UGGT1: variants seen among roughly 807,000 people sequenced by gnomAD.
The protein encoded by UGGT1 is UDP-glucose glycoprotein glucosyltransferase 1, also known as UDP-glucose:glycoprotein glucosyltransferase 1.
UGGT1 carries 107 observed loss-of-function variants against 203.9 expected under a neutral mutation model. The observed-to-expected ratio is 0.52, with a 90% CI of 0.45 to 0.62. UGGT1 has a LOEUF of 0.62. Among genes scored for constraint, UGGT1 ranks in the 20% least tolerant of loss-of-function variants. The pLI is 0.00. For synonymous variants in UGGT1, 628 were observed against 653.5 expected (o/e 0.96, Z 0.59); for missense variants, 1,673 against 1,867.2 (o/e 0.90, Z 1.92).
chr2:128,174,914 C>G, intron 31 of UGGT1, 56 bp downstream of exon 31: 1 of 1,477,034 alleles, frequency 6.8e-7, no homozygotes, highest in South Asian at 1.2e-5. Flanking sequence ...TGAGCATTAG[C>G]TCTAATTGAA....
chr2:128,129,967 T>A (rs1039481535), intron 13 of UGGT1, among the ~76,000 whole-genome samples: 2 of 152,100 alleles, frequency 1.3e-5, no homozygotes, highest in African/African-American at 4.8e-5. Context: ...TGTCAGAGAA[T>A]GTGGGGAATA....
intron 1 of UGGT1, among the ~76,000 whole-genome samples, chr2:128,096,347 G>A (rs1300251929): frequency 6.6e-6 from 1 of 152,192 alleles, no homozygotes; most frequent in Non-Finnish European, 1.5e-5. Context: ...AAACTGGGTG[G>A]CTTAGAACAA....
chr2:128,112,878 C>G (rs1369815112), intron 5 of UGGT1, among the ~76,000 whole-genome samples: 2 of 151,940 alleles, frequency 1.3e-5, no homozygotes, highest in Non-Finnish European at 2.9e-5. Context: ...TTATAATGTA[C>G]TTTTGTTATT....
intron 36 of UGGT1, 110 bp from the exon 37 acceptor site, chr2:128,182,020 C>T: frequency 9.2e-7 from 1 of 1,082,924 alleles, no homozygotes; most frequent in Non-Finnish European, 1.3e-6. Context: ...GTGCCACTAA[C>T]CACGGAGCAG....
chr2:128,115,112 CT>C lies in UGGT1; in HGVS notation c.697-9del. On this transcript the variant is annotated splice_polypyrimidine_tract_variant and intron_variant, in intron 6 of 40. Transcript: ENST00000259253. Reference sequence around the variant, plus strand: ...CTAGGTGGTAATGATGGAATTCTTGCTTTACTTGCAGAATCCCAGGAAGGAG... The same window carrying C: ...CTAGGTGGTAATGATGGAATTCTTGCTTACTTGCAGAATCCCAGGAAGGAG... The C allele has an allele frequency of 6.2e-7, 1 of 1,613,140 alleles. No homozygotes were observed. The highest frequency in any genetic ancestry group is 8.5e-7 in the Non-Finnish European group (1 of 1,179,188).
chr2:128,160,143 G>A (rs1045960488), intron 23 of UGGT1, among the ~76,000 whole-genome samples: 1 of 152,060 alleles, frequency 6.6e-6, no homozygotes, highest in African/African-American at 2.4e-5. Context: ...AGAATGATGA[G>A]TATATACTAT....
intron 38 of UGGT1, 41 bp downstream of exon 38, chr2:128,183,830 A>G: frequency 6.8e-7 from 1 of 1,475,214 alleles, no homozygotes. Flanking sequence ...AGTGACGGGT[A>G]TACAGTGTTG....
Position 128,120,352 on chromosome 2 carries a change from T to G in UGGT1, c.873-4T>G. The G allele has an allele frequency of 6.2e-7, 1 of 1,610,020 alleles. No individual in the cohort carries two copies. Among genetic ancestry groups the G allele is most frequent in the Non-Finnish European group, 8.5e-7 (1 of 1,178,976 alleles). On this transcript the variant is annotated splice_region_variant and splice_polypyrimidine_tract_variant and intron_variant, in intron 8 of 40. Coordinates refer to ENST00000259253, the MANE Select transcript of UGGT1 (RefSeq NM_020120.4). ...AAAAGGACTGATTTTTATGTTTCTTTTAGAGATCTGCACCCCGACCTGGAG... is the reference window on the plus strand; with the variant it reads ...AAAAGGACTGATTTTTATGTTTCTTGTAGAGATCTGCACCCCGACCTGGAG...
Position 128,190,650 on chromosome 2 carries a change from C to T in UGGT1, c.*908C>T, listed in dbSNP as rs1692214816. The T allele has an allele frequency of 6.6e-6, 1 of 152,262 alleles. No individual in the cohort carries two copies. The highest frequency in any genetic ancestry group is 2.4e-5 in the African/African-American group (1 of 41,454). The allele number at this position is 152,262 out of a possible 1,614,324, so 9.4% of individuals were successfully genotyped here. A position where few individuals can be genotyped will look rare whatever the true frequency, so the allele number is the denominator to read the frequency against. On this transcript the variant is annotated 3_prime_UTR_variant, in exon 41 of 41. Transcript: ENST00000259253. ...CTGAATACAGCCATACTCAGCCCCT[C>T]TCGCATCCAGCCCGTCAGGGTCAGG...
At chr2:128,188,736 G>T (rs986768298) in intron 40 of UGGT1, among the ~76,000 whole-genome samples, 1 of 152,178 alleles carries the variant, frequency 6.6e-6, no homozygotes, top group Non-Finnish European at 1.5e-5. Flanking sequence ...CTTGAGCCTG[G>T]AGGTCAAGGT....
intron 37 of UGGT1, among the ~76,000 whole-genome samples, chr2:128,183,456 A>G (rs1370074763): frequency 6.6e-6 from 1 of 152,248 alleles, no homozygotes; most frequent in Non-Finnish European, 1.5e-5. Context: ...CGGATGGCAA[A>G]TACAGAACAG....
chr2:128,156,218 T>G (rs1158395520), intron 20 of UGGT1, among the ~76,000 whole-genome samples, 174 bp from the exon 21 acceptor site: 1 of 152,230 alleles, frequency 6.6e-6, no homozygotes, highest in Non-Finnish European at 1.5e-5. Context: ...CATTTGGTTC[T>G]TTAAAGAAAC....
intron 18 of UGGT1, among the ~76,000 whole-genome samples, chr2:128,149,438 A>AT (rs1689842195): frequency 6.7e-6 from 1 of 150,146 alleles, no homozygotes; most frequent in Non-Finnish European, 1.5e-5. Flanking sequence ...AGGTCAGGAG[A>AT]TTGAGACCAT....
At chr2:128,132,140 T>C (rs1056698406) in intron 13 of UGGT1, among the ~76,000 whole-genome samples, 1 of 152,176 alleles carries the variant, frequency 6.6e-6, no homozygotes, top group East Asian at 1.9e-4. Flanking sequence ...TAGATTACAA[T>C]TGAGGGTGTA....
At chr2:128,123,447 G>T (rs565287838) in intron 11 of UGGT1, among the ~76,000 whole-genome samples, 174 of 152,294 alleles carry the variant, frequency 1.1e-3, no homozygotes, top group Non-Finnish European at 1.9e-3. Flanking sequence ...TGGTGCTACC[G>T]TGTTGTTTAG....
chr2:128,156,318 T>C, intron 20 of UGGT1, 74 bp from the exon 21 acceptor site: 1 of 1,202,812 alleles, frequency 8.3e-7, no homozygotes, highest in South Asian at 1.2e-5. Flanking sequence ...TGTTTAGACT[T>C]TCAATTTTTA....
chr2:128,177,997 C>A, intron 33 of UGGT1, 77 bp downstream of exon 33: 1 of 1,266,342 alleles, frequency 7.9e-7, no homozygotes, highest in Non-Finnish European at 1.1e-6. Flanking sequence ...CTTTTTGCAT[C>A]TTGTGATTCT....
At chr2:128,172,248 AT>A (rs1226724530) in intron 28 of UGGT1, among the ~76,000 whole-genome samples, 1 of 152,144 alleles carries the variant, frequency 6.6e-6, no homozygotes, top group Admixed American at 6.5e-5. Flanking sequence ...AAGTGATTGG[AT>A]TTTGGCTTGC....
intron 26 of UGGT1, among the ~76,000 whole-genome samples, chr2:128,165,528 T>G (rs1474841551): frequency 2.0e-5 from 3 of 152,076 alleles, no homozygotes; most frequent in Non-Finnish European, 4.4e-5. Flanking sequence ...TGAAACCCCA[T>G]CTCTACAAAA....
Sources: gnomAD v4.1 joint callset for allele counts (sites outside exome capture counted in the v4.1 genomes callset) on GRCh38, gnomAD v4.1.1 for gene constraint, MANE v1.5 for transcripts, NCBI Gene and HGNC (gene_info 2026-07-23, HGNC 2026-07-21) for gene names.